Variants in TRIM24 observed in about 807,000 individuals in gnomAD.
TRIM24 encodes transcription intermediary factor 1-alpha.
A neutral mutation model predicts 123.9 loss-of-function variants in TRIM24; 29 were observed. The ratio of observed to expected loss-of-function variants is 0.23; its 90% CI spans 0.17 to 0.32. The LOEUF (loss-of-function observed/expected upper bound fraction) is 0.32, where lower values mean the gene tolerates loss of function less well. Ranked by LOEUF, TRIM24 falls within the 10% of genes least tolerant of loss-of-function variation. TRIM24 has a pLI of 1.00. For synonymous variants in TRIM24, 456 were observed against 461.1 expected (o/e 0.99, Z 0.14); for missense variants, 932 against 1,295.3 (o/e 0.72, Z 4.31).
At chr7:138,545,536 G>C (rs1797085689) in intron 7 of TRIM24, 3 of 456,664 alleles carry the variant, frequency 6.6e-6, no homozygotes, top group Non-Finnish European at 1.3e-5. Flanking sequence ...GGAATTAAGA[G>C]TACAAGTATG....
intron 2 of TRIM24, among the ~76,000 whole-genome samples, chr7:138,513,212 TAAC>T (rs1312192919): frequency 6.6e-6 from 1 of 152,202 alleles, no homozygotes; most frequent in African/African-American, 2.4e-5. Context: ...CCCAACAATT[TAAC>T]AAATCTCTAG....
intron 2 of TRIM24, among the ~76,000 whole-genome samples, chr7:138,509,284 T>C (rs1196178783): frequency 6.7e-6 from 1 of 150,358 alleles, no homozygotes; most frequent in Admixed American, 6.7e-5. Flanking sequence ...ATGTAATTTG[T>C]TTTCTCTAGG....
At chr7:138,491,823 T>C (rs1795790625) in intron 1 of TRIM24, among the ~76,000 whole-genome samples, 1 of 152,210 alleles carries the variant, frequency 6.6e-6, no homozygotes, top group Non-Finnish European at 1.5e-5. Context: ...CATGTATTTT[T>C]CCTTTTATTT....
At chr7:138,542,048 A>G (rs145299286) in intron 7 of TRIM24, among the ~76,000 whole-genome samples, 534 of 152,344 alleles carry the variant, frequency 3.5e-3, no homozygotes, top group African/African-American at 0.012. Flanking sequence ...GTTATGTTAT[A>G]GCTGGCTTGA....
intron 7 of TRIM24, among the ~76,000 whole-genome samples, chr7:138,541,565 G>A (rs1265038176): frequency 6.6e-6 from 1 of 152,182 alleles, no homozygotes; most frequent in Non-Finnish European, 1.5e-5. Flanking sequence ...GAACACAAAA[G>A]CAGCGTAGAT....
At chr7:138,576,548 T>TATATATGAA in intron 13 of TRIM24, 103 bp downstream of exon 13, 1 of 924,054 alleles carries the variant, frequency 1.1e-6, no homozygotes, top group South Asian at 2.0e-5. Flanking sequence ...TTGAACAATT[T>TATATATGAA]CCTTTATTTT....
At chr7:138,479,993 GT>G (rs1795491422) in intron 1 of TRIM24, among the ~76,000 whole-genome samples, 1 of 147,862 alleles carries the variant, frequency 6.8e-6, no homozygotes, top group South Asian at 2.2e-4. Flanking sequence ...TAATTTTTGT[GT>G]TTTTAGTAGA....
chr7:138,551,421 C>A (rs1034212655), intron 8 of TRIM24, among the ~76,000 whole-genome samples: 3 of 152,114 alleles, frequency 2.0e-5, no homozygotes, highest in Non-Finnish European at 4.4e-5. Context: ...GTGGCACATG[C>A]CTGTAGTCCC....
rs765450895 is a variant in TRIM24, at chr7:138,585,881, C to T, written c.*930C>T. 3 of 518,886 alleles carry T rather than the reference C, an allele frequency of 5.8e-6. No individual in the cohort carries two copies. The highest frequency in any genetic ancestry group is 1.2e-5 in the Non-Finnish European group (3 of 259,838). 32.1% of individuals were successfully genotyped at this position (518,886 alleles called of 1,614,324 possible). On this transcript the variant is annotated 3_prime_UTR_variant, in exon 19 of 19. Transcript: ENST00000343526. ...GTTCTTCATCATATACCCTACTGGG[C>T]ATTAAATATAAGTTCCTCTGAAAGG...
intron 5 of TRIM24, among the ~76,000 whole-genome samples, chr7:138,528,418 T>C (rs755627457): frequency 1.6e-4 from 25 of 152,218 alleles, no homozygotes; most frequent in Non-Finnish European, 3.4e-4. Context: ...ATCAAGACTT[T>C]CCTGGGTCTG....
chr7:138,488,266 C>G (rs1402184298), intron 1 of TRIM24, among the ~76,000 whole-genome samples: 1 of 150,676 alleles, frequency 6.6e-6, no homozygotes, highest in Non-Finnish European at 1.5e-5. Flanking sequence ...AGTGTTCTAT[C>G]TATTTTGTTG....
At chr7:138,537,010 G>A (rs1248269434) in intron 6 of TRIM24, among the ~76,000 whole-genome samples, 2 of 152,204 alleles carry the variant, frequency 1.3e-5, no homozygotes, top group Admixed American at 6.5e-5. Flanking sequence ...GGGACACTCC[G>A]AGACAGACGT....
intron 10 of TRIM24, 24 bp downstream of exon 10, chr7:138,567,678 A>G (rs1237038383): frequency 4.5e-6 from 7 of 1,541,284 alleles, no homozygotes; most frequent in Non-Finnish European, 6.1e-6. Flanking sequence ...TTCTTTTCTC[A>G]ATTGCTTTTT....
chr7:138,558,905 C>T (rs769293536), intron 9 of TRIM24, among the ~76,000 whole-genome samples: 17 of 152,194 alleles, frequency 1.1e-4, no homozygotes, highest in Non-Finnish European at 2.2e-4. Flanking sequence ...GGGCTATTAA[C>T]GGGGACCTAG....
chr7:138,474,964 G>C (rs1303987946), intron 1 of TRIM24, among the ~76,000 whole-genome samples: 1 of 152,190 alleles, frequency 6.6e-6, no homozygotes, highest in Non-Finnish European at 1.5e-5. Context: ...GTATATACTT[G>C]TTATGCACCC....
intron 6 of TRIM24, among the ~76,000 whole-genome samples, chr7:138,531,257 G>GT (rs1192753144): frequency 1.3e-5 from 2 of 151,956 alleles, no homozygotes; most frequent in East Asian, 3.9e-4. Context: ...TGTTACATAT[G>GT]TTACATATGT....
intron 1 of TRIM24, among the ~76,000 whole-genome samples, chr7:138,464,012 T>TTTTTTTTTTTTTTTTAG (rs1795076246): frequency 7.3e-6 from 1 of 137,162 alleles, no homozygotes; most frequent in Non-Finnish European, 1.6e-5. Flanking sequence ...TTTTTTTTTT[T>TTTTTTTTTTTTTTTTAG]GAGACGGAGT....
chr7:138,524,517 G>T (rs982693556), intron 4 of TRIM24, among the ~76,000 whole-genome samples: 2 of 152,064 alleles, frequency 1.3e-5, no homozygotes, highest in Non-Finnish European at 2.9e-5. Flanking sequence ...ACCCTATTTA[G>T]TTACATGTAA....
chr7:138,581,651 A>T (rs1229429803), intron 16 of TRIM24, 46 bp from the exon 17 acceptor site: 1 of 1,487,892 alleles, frequency 6.7e-7, no homozygotes, highest in East Asian at 2.3e-5. Context: ...CTGTGAATTC[A>T]TTGTTTTATA....
Sources: gnomAD v4.1 joint callset for allele counts (sites outside exome capture counted in the v4.1 genomes callset) on GRCh38, gnomAD v4.1.1 for gene constraint, MANE v1.5 for transcripts, NCBI Gene and HGNC (gene_info 2026-07-23, HGNC 2026-07-21) for gene names.